The following CACNA1C variants were observed in gnomAD, a reference collection of about 807,000 sequenced individuals.
The protein encoded by CACNA1C is calcium voltage-gated channel subunit alpha1 C, also known as voltage-dependent L-type calcium channel subunit alpha-1C.
In CACNA1C, 30 loss-of-function variants were observed where a neutral mutation model predicts 229.0. That is an observed-to-expected ratio of 0.13 (90% confidence interval 0.10 to 0.18). The LOEUF is 0.18. CACNA1C is among the 10% of genes least tolerant of loss of function. The pLI, the probability that CACNA1C is intolerant of heterozygous loss-of-function variation, is 1.00. For missense variants in CACNA1C, 1,658 were observed against 2,845.0 expected (o/e 0.58, Z 9.49); for synonymous variants, 1,114 against 1,132.5 (o/e 0.98, Z 0.33).
chr12:2,003,663 A>G (rs1001406791), intron 1 of CACNA1C, among the ~76,000 whole-genome samples: 24 of 152,284 alleles, frequency 1.6e-4, no homozygotes, highest in African/African-American at 5.5e-4. Context: ...GACCTCCAAT[A>G]TCGAACTTGG....
At chr12:2,507,330 A>G (rs2099774055) in intron 8 of CACNA1C, among the ~76,000 whole-genome samples, 1 of 152,130 alleles carries the variant, frequency 6.6e-6, no homozygotes, top group African/African-American at 2.4e-5. Context: ...TTCTGGTTTA[A>G]GGAGGCCTCT....
At chr12:2,386,416 C>A (rs1448252982) in intron 3 of CACNA1C, among the ~76,000 whole-genome samples, 1 of 152,216 alleles carries the variant, frequency 6.6e-6, no homozygotes, top group Non-Finnish European at 1.5e-5. Context: ...TTCCCCCCAA[C>A]TTTCTTCAGT....
At chr12:2,195,142 G>A (rs769010968) in intron 3 of CACNA1C, among the ~76,000 whole-genome samples, 9 of 152,204 alleles carry the variant, frequency 5.9e-5, no homozygotes, top group Non-Finnish European at 7.3e-5. Flanking sequence ...CACCCATGCC[G>A]TGCCTGGCAC....
intron 3 of CACNA1C, among the ~76,000 whole-genome samples, chr12:2,244,011 T>C (rs1209691042): frequency 6.6e-6 from 1 of 152,224 alleles, no homozygotes; most frequent in Non-Finnish European, 1.5e-5. Context: ...TGAGTTATGA[T>C]GTGGAATTCC....
intron 3 of CACNA1C, among the ~76,000 whole-genome samples, chr12:2,441,089 A>G (rs1420818472): frequency 1.3e-5 from 2 of 152,120 alleles, no homozygotes; most frequent in Non-Finnish European, 2.9e-5. Flanking sequence ...TATTGTGTTG[A>G]TTGTCTTTTG....
At chr12:2,165,420 C>G (rs1005511514) in intron 3 of CACNA1C, among the ~76,000 whole-genome samples, 22 of 152,170 alleles carry the variant, frequency 1.4e-4, no homozygotes, top group African/African-American at 4.8e-4. Context: ...GTAACTGAAG[C>G]CTTCTCAAGT....
At position 2,286,133 on chromosome 12, in the gene CACNA1C, C is replaced by T. The variant is rs1187407652; in HGVS notation, c.478-162843C>T. Among the ~76,000 whole-genome samples the T allele has an allele frequency of 6.6e-5, 10 of 152,320 alleles. No individual in the cohort carries two copies. The East Asian group carries it at 1.4e-3, about 21-fold the overall frequency. On this transcript the variant is annotated intron_variant, in intron 3 of 46. Transcript: ENST00000399655. ...ACAGAGTTACCAAGAGCTAAATACTCGTCATTTATACCTGGCCGGTTCTGT... is the reference window on the plus strand; with the variant it reads ...ACAGAGTTACCAAGAGCTAAATACTTGTCATTTATACCTGGCCGGTTCTGT...
At chr12:2,569,872 G>C (rs550495967) in intron 13 of CACNA1C, among the ~76,000 whole-genome samples, 4 of 152,268 alleles carry the variant, frequency 2.6e-5, no homozygotes, top group African/African-American at 9.6e-5. Flanking sequence ...CTGTCAAACT[G>C]TTTTCCAAAG....
chr12:2,135,586 C>T (rs1462057750), intron 3 of CACNA1C, among the ~76,000 whole-genome samples: 1 of 135,826 alleles, frequency 7.4e-6, no homozygotes. Context: ...TCAGTCTGCC[C>T]CTGCTGGGGG....
At chr12:2,327,576 T>C (rs1158652086) in intron 3 of CACNA1C, among the ~76,000 whole-genome samples, 1 of 152,224 alleles carries the variant, frequency 6.6e-6, no homozygotes, top group African/African-American at 2.4e-5. Context: ...ATTTCTAACA[T>C]TCTGACCTAA....
At chr12:2,196,815 T>G (rs1331976030) in intron 3 of CACNA1C, among the ~76,000 whole-genome samples, 1 of 152,146 alleles carries the variant, frequency 6.6e-6, no homozygotes, top group African/African-American at 2.4e-5. Flanking sequence ...GCAGCAGGGT[T>G]TAGCCTTCTT....
intron 30 of CACNA1C, among the ~76,000 whole-genome samples, chr12:2,636,721 C>T (rs2153583357): frequency 6.6e-6 from 1 of 152,324 alleles, no homozygotes; most frequent in East Asian, 1.9e-4. Context: ...AAAGAGAAAC[C>T]TCACCTGTCC....
chr12:2,205,320 TG>T (rs1432581457), intron 3 of CACNA1C, among the ~76,000 whole-genome samples: 1 of 152,034 alleles, frequency 6.6e-6, no homozygotes, highest in Non-Finnish European at 1.5e-5. Context: ...GCTTGGCTGG[TG>T]GGGGCAGGGC....
At chr12:2,550,305 T>A (rs1051613225) in intron 10 of CACNA1C, among the ~76,000 whole-genome samples, 7 of 152,186 alleles carry the variant, frequency 4.6e-5, no homozygotes, top group Non-Finnish European at 8.8e-5. Flanking sequence ...GAGCCTCTTT[T>A]CATCACATCT....
chr12:2,199,351 C>T (rs1217255137), intron 3 of CACNA1C, among the ~76,000 whole-genome samples: 1 of 152,198 alleles, frequency 6.6e-6, no homozygotes, highest in Non-Finnish European at 1.5e-5. Context: ...CTTCCTCCTC[C>T]TCAGTCTACT....
chr12:1,978,271 C>A (rs1021848446), intron 1 of CACNA1C, among the ~76,000 whole-genome samples: 2 of 152,154 alleles, frequency 1.3e-5, no homozygotes, highest in Non-Finnish European at 2.9e-5. Context: ...CAGTTGACAT[C>A]AAGCTTTTGG....
chr12:2,025,656 A>C (rs1303557787), intron 1 of CACNA1C, among the ~76,000 whole-genome samples: 2 of 151,840 alleles, frequency 1.3e-5, no homozygotes, highest in Non-Finnish European at 2.9e-5. Context: ...TCCTTTGAAG[A>C]CTCCAATAAC....
chr12:2,605,533 T>G lies in CACNA1C; in HGVS notation c.3049-146T>G. 1 of 681,406 alleles carries G rather than the reference T, an allele frequency of 1.5e-6. No homozygotes were observed. The highest frequency in any genetic ancestry group is 2.7e-6 in the Non-Finnish European group (1 of 374,052). The allele number at this position is 681,406 out of a possible 1,614,324, so 42.2% of individuals were successfully genotyped here. A position where few individuals can be genotyped will look rare whatever the true frequency, so the allele number is the denominator to read the frequency against. On this transcript the variant is annotated intron_variant, in intron 23 of 46. Transcript: ENST00000399655. The surrounding 1 kb of genome is among the most constrained non-coding windows in gnomAD (Gnocchi z 6.2). ...TTTGCATCCCATTAGGGTCCATCAC[T>G]TCCCATGTGACTTTGGGAGCGTGGC...
rs2153350067 is a variant in CACNA1C, at chr12:2,594,355, C to A, written c.2663+1010C>A. ...GTTAGACATTTTCATTCTGTCCTCCCTGTTTCTTAGAGGGTCTTACATATC... is the reference window on the plus strand; with the variant it reads ...GTTAGACATTTTCATTCTGTCCTCCATGTTTCTTAGAGGGTCTTACATATC... On this transcript the variant is annotated intron_variant, in intron 19 of 46. Coordinates refer to ENST00000399655, the MANE Select transcript of CACNA1C (RefSeq NM_000719.7). 2.0e-5 allele frequency among the ~76,000 whole-genome samples: 3 copies of A among 152,340 alleles called. No homozygotes were observed. In the Middle Eastern group the frequency reaches 0.01, roughly 518 times the overall value.
Sources: allele counts gnomAD v4.1 joint callset (sites outside exome capture counted in the v4.1 genomes callset), GRCh38; gene constraint gnomAD v4.1.1; non-coding constraint Gnocchi (gnomAD v3.1); transcripts MANE v1.5; gene names NCBI Gene and HGNC (gene_info 2026-07-23, HGNC 2026-07-21).